Variants in CPVL observed in about 807,000 individuals in gnomAD.
CPVL encodes carboxypeptidase vitellogenic like.
A neutral mutation model predicts 63.7 loss-of-function variants in CPVL; 51 were observed. The ratio of observed to expected loss-of-function variants is 0.80; its 90% CI spans 0.64 to 1.01. The LOEUF (loss-of-function observed/expected upper bound fraction) is 1.01. Among genes scored for constraint, CPVL ranks in the 50% least tolerant of loss-of-function variants. The pLI, the probability that CPVL is intolerant of heterozygous loss-of-function variation, is 0.00. For missense variants in CPVL, 530 were observed against 573.1 expected, an observed-to-expected ratio of 0.92 and a Z score of 0.77; for synonymous variants, 195 against 206.0, an observed-to-expected ratio of 0.95 and a Z score of 0.46.
chr7:29,058,656 G>T lies in CPVL; in HGVS notation c.1137+5405C>A, dbSNP rs988868946. ...TCTTTCACTTTTGAGGAATACTTTT[G>T]CAAGGTGCAGAATTCTAAGTTGGTG... is the stretch of plus-strand genomic sequence containing the variant. On this transcript the variant is annotated intron_variant, in intron 11 of 12. Coordinates refer to ENST00000265394, the MANE Select transcript of CPVL (RefSeq NM_031311.5). 3.9e-5 allele frequency among the ~76,000 whole-genome samples: 6 copies of T among 152,174 alleles called. No homozygotes were observed. In the East Asian group the frequency reaches 5.8e-4, roughly 15 times the overall value.
At chr7:29,178,572 T>C (rs1797665104) in intron 5 of CPVL, among the ~76,000 whole-genome samples, 1 of 152,224 alleles carries the variant, frequency 6.6e-6, no homozygotes, top group Admixed American at 6.5e-5. Flanking sequence ...TATGTTCATC[T>C]GAACACATTT....
intron 11 of CPVL, among the ~76,000 whole-genome samples, chr7:29,031,971 A>T (rs1339497286): frequency 1.3e-5 from 2 of 152,174 alleles, no homozygotes; most frequent in Non-Finnish European, 2.9e-5. Flanking sequence ...AGATGGTGGA[A>T]ATCTGAGTAA....
At chr7:29,062,170 T>C (rs1331218399) in intron 11 of CPVL, among the ~76,000 whole-genome samples, 1 of 152,188 alleles carries the variant, frequency 6.6e-6, no homozygotes, top group Non-Finnish European at 1.5e-5. Context: ...TATAGATATA[T>C]TTTTGATACA....
chr7:29,004,882 CT>C (rs1205496391), intron 12 of CPVL, among the ~76,000 whole-genome samples: 2 of 148,038 alleles, frequency 1.4e-5, no homozygotes, highest in African/African-American at 5.0e-5. Context: ...ACAAATATGT[CT>C]TTTTTTTCTT....
chr7:29,146,951 T>G, upstream of CPVL: 1 of 1,551,102 alleles, frequency 6.4e-7, no homozygotes, highest in Admixed American at 2.0e-5. Flanking sequence ...ACATTCCAGC[T>G]GCACTAGCAG....
chr7:29,146,082 C>A (rs980536072), intron 1 of CPVL: 2 of 153,534 alleles, frequency 1.3e-5, no homozygotes, highest in Non-Finnish European at 2.9e-5. Context: ...CCGCCACCCT[C>A]CCGCGCTAAG....
chr7:29,192,096 TG>T (rs1782959088), intron 1 of CPVL: 1 of 152,242 alleles, frequency 6.6e-6, no homozygotes, highest in Admixed American at 6.5e-5. Flanking sequence ...TTCAAAATAA[TG>T]GGTGTCAAAG....
At chr7:29,123,019 T>TA (rs1789534700) in intron 1 of CPVL, among the ~76,000 whole-genome samples, 1 of 152,132 alleles carries the variant, frequency 6.6e-6, no homozygotes, top group Non-Finnish European at 1.5e-5. Context: ...CTAAATCAAA[T>TA]ACATGAAATG....
intron 9 of CPVL, among the ~76,000 whole-genome samples, chr7:29,067,810 T>C (rs1783280624): frequency 6.6e-6 from 1 of 152,038 alleles, no homozygotes; most frequent in Non-Finnish European, 1.5e-5. Context: ...CTGAGACACA[T>C]GAGTTTAAGC....
chr7:29,179,221 G>C (rs943431083), intron 5 of CPVL, among the ~76,000 whole-genome samples: 23 of 152,292 alleles, frequency 1.5e-4, no homozygotes, highest in Non-Finnish European at 2.4e-4. Flanking sequence ...CCTTCAGAAG[G>C]CTCCATCCCC....
At chr7:29,158,697 A>C (rs2128705711) in intron 5 of CPVL, among the ~76,000 whole-genome samples, 1 of 152,350 alleles carries the variant, frequency 6.6e-6, no homozygotes, top group Non-Finnish European at 1.5e-5. Context: ...CCGTAGAGTT[A>C]ACAGTTTAAT....
intron 11 of CPVL, among the ~76,000 whole-genome samples, chr7:29,048,559 G>T (rs930842565): frequency 6.6e-5 from 10 of 152,086 alleles, no homozygotes; most frequent in African/African-American, 2.4e-4. Context: ...CCTAAGAAAT[G>T]AGACAGAGAG....
intron 5 of CPVL, among the ~76,000 whole-genome samples, chr7:29,094,369 G>A (rs1775551573): frequency 1.3e-5 from 2 of 151,896 alleles, no homozygotes; most frequent in South Asian, 4.2e-4. Context: ...AAAAAAAGTG[G>A]AGACCCATTT....
At chr7:29,080,671 C>A (rs1171423638) in intron 7 of CPVL, among the ~76,000 whole-genome samples, 2 of 151,888 alleles carry the variant, frequency 1.3e-5, no homozygotes, top group African/African-American at 2.4e-5. Flanking sequence ...TCATTAAGCA[C>A]CGTGCTTAGT....
At chr7:29,097,485 G>A (rs903480659) in intron 3 of CPVL, among the ~76,000 whole-genome samples, 17 of 152,218 alleles carry the variant, frequency 1.1e-4, no homozygotes, top group South Asian at 8.3e-4. Context: ...ACCTTAGTTC[G>A]GGAGTTCAAG....
chr7:29,133,202 A>C (rs1468156921), intron 1 of CPVL, among the ~76,000 whole-genome samples: 2 of 152,112 alleles, frequency 1.3e-5, no homozygotes, highest in South Asian at 2.1e-4. Context: ...GCAAAAAAAA[A>C]AAAAACAAAA....
At chr7:29,164,304 T>C (rs1477235726) in intron 5 of CPVL, among the ~76,000 whole-genome samples, 2 of 152,206 alleles carry the variant, frequency 1.3e-5, no homozygotes, top group Non-Finnish European at 2.9e-5. Flanking sequence ...TTTTGTAAAA[T>C]GTCTATTTGA....
chr7:29,050,481 C>T (rs1474277887), intron 11 of CPVL, among the ~76,000 whole-genome samples: 2 of 151,984 alleles, frequency 1.3e-5, no homozygotes, highest in African/African-American at 4.8e-5. Context: ...GGAACTCATC[C>T]ATTTTGGTGG....
upstream of CPVL, among the ~76,000 whole-genome samples, chr7:29,149,929 A>G (rs1390599687): frequency 6.6e-6 from 1 of 152,212 alleles, no homozygotes; most frequent in Admixed American, 6.5e-5. Context: ...TAGCTTGATT[A>G]CTTCTATGAA....
Sources: allele counts gnomAD v4.1 joint callset (sites outside exome capture counted in the v4.1 genomes callset), GRCh38; gene constraint gnomAD v4.1.1; transcripts MANE v1.5; gene names NCBI Gene and HGNC (gene_info 2026-07-23, HGNC 2026-07-21).